The following CNBD1 variants were observed in gnomAD, a reference collection of about 807,000 sequenced individuals.
The protein encoded by CNBD1 is cyclic nucleotide-binding domain-containing protein 1.
In CNBD1, 71 loss-of-function variants were observed where a neutral mutation model predicts 54.4. The observed-to-expected ratio is 1.30, with a 90% CI of 1.08 to 1.59. The LOEUF is 1.59. Among genes scored for constraint, CNBD1 ranks in the 40% most tolerant of loss-of-function variants. The probability of loss-of-function intolerance (pLI) is 0.00; values close to 1 mark genes in which losing one functional copy is unlikely to be tolerated. For missense variants in CNBD1, 659 were observed against 518.0 expected (o/e 1.27, Z -2.64); for synonymous variants, 182 against 170.7 (o/e 1.07, Z -0.51).
chr8:87,281,392 C>T (rs1210443716), intron 6 of CNBD1, among the ~76,000 whole-genome samples: 4 of 151,196 alleles, frequency 2.6e-5, no homozygotes, highest in South Asian at 2.1e-4. Flanking sequence ...GACATGTATG[C>T]TTGCACATCT....
At chr8:87,041,066 A>G (rs1524836) in intron 4 of CNBD1, among the ~76,000 whole-genome samples, 44,715 of 151,928 alleles carry the variant, frequency 0.29, 7,633 homozygotes, top group Admixed American at 0.4. Flanking sequence ...ATTTAAAAGT[A>G]ATAGCAAAAA....
chr8:86,886,079 T>A (rs554225528), intron 1 of CNBD1, among the ~76,000 whole-genome samples: 1 of 152,172 alleles, frequency 6.6e-6, no homozygotes, highest in African/African-American at 2.4e-5. Flanking sequence ...TTGACCTTTT[T>A]CCAAATCTCT....
chr8:87,400,078 C>T (rs983598828), intron 2 of CNBD1, among the ~76,000 whole-genome samples: 1 of 151,880 alleles, frequency 6.6e-6, no homozygotes, highest in South Asian at 2.1e-4. Context: ...TCCATAGGTT[C>T]TTCCAGGGGC....
intron 2 of CNBD1, among the ~76,000 whole-genome samples, chr8:87,419,286 G>T (rs1807886342): frequency 6.6e-6 from 1 of 151,818 alleles, no homozygotes; most frequent in African/African-American, 2.4e-5. Flanking sequence ...ATTAGTGTTT[G>T]CTAGGATCTG....
At chr8:87,254,941 T>C (rs1807981736) in intron 6 of CNBD1, among the ~76,000 whole-genome samples, 1 of 152,146 alleles carries the variant, frequency 6.6e-6, no homozygotes, top group South Asian at 2.1e-4. Context: ...TTCCTGGTTA[T>C]ATTTCAGTGA....
chr8:87,339,539 A>C (rs568756192), intron 8 of CNBD1, among the ~76,000 whole-genome samples: 1 of 151,962 alleles, frequency 6.6e-6, no homozygotes, highest in African/African-American at 2.4e-5. Flanking sequence ...CAGTTTGTTC[A>C]GCATTTTGCT....
chr8:87,132,584 C>G (rs1047709915), intron 4 of CNBD1, among the ~76,000 whole-genome samples: 3 of 148,106 alleles, frequency 2.0e-5, no homozygotes, highest in Non-Finnish European at 4.5e-5. Context: ...AAGTTTCTCA[C>G]CACTATTTCT....
intron 8 of CNBD1, among the ~76,000 whole-genome samples, chr8:87,306,054 A>C (rs1272232228): frequency 1.3e-5 from 2 of 152,154 alleles, no homozygotes; most frequent in Non-Finnish European, 2.9e-5. Context: ...CAAATACAAC[A>C]GTAAGAAAAA....
intron 4 of CNBD1, among the ~76,000 whole-genome samples, chr8:87,156,201 T>G (rs1206270194): frequency 6.9e-6 from 1 of 145,052 alleles, no homozygotes; most frequent in Admixed American, 6.9e-5. Context: ...CCACTTGATT[T>G]GGCAACTAGG....
intron 5 of CNBD1, among the ~76,000 whole-genome samples, chr8:87,231,097 C>T (rs1002651015): frequency 6.6e-6 from 1 of 152,062 alleles, no homozygotes; most frequent in South Asian, 2.1e-4. Context: ...AAGTCATTCT[C>T]TTATGAACAA....
At chr8:87,125,334 G>T (rs1201452652) in intron 4 of CNBD1, among the ~76,000 whole-genome samples, 1 of 151,578 alleles carries the variant, frequency 6.6e-6, no homozygotes, top group East Asian at 1.9e-4. Flanking sequence ...ACAATCTTGA[G>T]CAAAAAGAAC....
chr8:87,078,942 T>C (rs912219380), intron 4 of CNBD1, among the ~76,000 whole-genome samples: 5 of 152,180 alleles, frequency 3.3e-5, no homozygotes, highest in African/African-American at 4.8e-5. Flanking sequence ...AGTAAATAAA[T>C]TGATACACCA....
At chr8:86,971,956 G>T (rs904833700) in intron 4 of CNBD1, among the ~76,000 whole-genome samples, 12 of 151,612 alleles carry the variant, frequency 7.9e-5, no homozygotes, top group Admixed American at 2.6e-4. Context: ...GCATTAAATA[G>T]AACTTTTTTT....
intron 10 of CNBD1, among the ~76,000 whole-genome samples, chr8:87,377,963 G>T (rs1810986867): frequency 7.0e-6 from 1 of 143,400 alleles, no homozygotes; most frequent in Admixed American, 7.0e-5. Flanking sequence ...TTTGAGAAGT[G>T]TCTGTTCATG....
At chr8:86,886,824 A>T (rs1808687442) in intron 1 of CNBD1, among the ~76,000 whole-genome samples, 2 of 152,066 alleles carry the variant, frequency 1.3e-5, no homozygotes, top group African/African-American at 4.8e-5. Flanking sequence ...TTCTAATAGC[A>T]CTCATTCTTC....
chr8:87,377,821 C>G lies in CNBD1; in HGVS notation c.1304-4799C>G, dbSNP rs1469385126. ...ACATCCTCTCCAGCACCTGTTGTTT[C>G]CTGACTTTTTAATGATTGCCATTCT... On this transcript the variant is annotated intron_variant, in intron 10 of 10. Coordinates refer to ENST00000518476, the MANE Select transcript of CNBD1 (RefSeq NM_173538.3). 6.0e-5 allele frequency among the ~76,000 whole-genome samples: 9 copies of G among 150,030 alleles called. No individual in the cohort carries two copies. The South Asian group carries it at 1.9e-3, about 32-fold the overall frequency.
At chr8:87,196,955 A>T (rs956396574) in intron 4 of CNBD1, among the ~76,000 whole-genome samples, 2 of 152,034 alleles carry the variant, frequency 1.3e-5, no homozygotes, top group African/African-American at 4.8e-5. Flanking sequence ...GTGGTCTGAT[A>T]ACTCATAATA....
chr8:87,324,706 A>G (rs902464505), intron 8 of CNBD1, among the ~76,000 whole-genome samples: 4 of 151,534 alleles, frequency 2.6e-5, no homozygotes, highest in Non-Finnish European at 5.9e-5. Flanking sequence ...TTTTCTTAGT[A>G]GTCTTGCTAG....
chr8:86,978,006 T>A (rs1808381140), intron 4 of CNBD1, among the ~76,000 whole-genome samples: 1 of 152,028 alleles, frequency 6.6e-6, no homozygotes, highest in South Asian at 2.1e-4. Context: ...TAAACTAAAC[T>A]CAACAGTACA....
Sources: allele counts gnomAD v4.1 joint callset (sites outside exome capture counted in the v4.1 genomes callset), GRCh38; gene constraint gnomAD v4.1.1; transcripts MANE v1.5; gene names NCBI Gene and HGNC (gene_info 2026-07-23, HGNC 2026-07-21).